The following SYPL1 variants were observed in gnomAD, a reference collection of about 807,000 sequenced individuals.
The protein encoded by SYPL1 is synaptophysin like 1.
In SYPL1, 6 loss-of-function variants were observed where a neutral mutation model predicts 23.7. That is an observed-to-expected ratio of 0.25 (90% CI 0.14 to 0.50). The LOEUF (loss-of-function observed/expected upper bound fraction) is 0.50, where lower values mean the gene tolerates loss of function less well. Ranked by LOEUF, SYPL1 falls within the 20% of genes least tolerant of loss-of-function variation. The pLI is 0.98. For missense variants in SYPL1, 253 were observed against 288.9 expected, an observed-to-expected ratio of 0.88 and a Z score of 0.90; for synonymous variants, 102 against 104.5, an observed-to-expected ratio of 0.98 and a Z score of 0.15.
At position 106,092,930 on chromosome 7, in the gene SYPL1, A is replaced by G; in HGVS notation, c.591+19T>C. The G allele has an allele frequency of 6.6e-7, 1 of 1,510,206 alleles. No homozygotes were observed. The highest frequency in any genetic ancestry group is 8.8e-7 in the Non-Finnish European group (1 of 1,132,482). 93.6% of individuals were successfully genotyped at this position (1,510,206 alleles called of 1,614,324 possible). On this transcript the variant is annotated intron_variant, in intron 4 of 4. Transcript: ENST00000455385. ...AACAAATATATGAAAGAAAAAAATT[A>G]TAAATAATGCATACATACCACAGAT... is the stretch of plus-strand genomic sequence containing the variant.
intron 1 of SYPL1, among the ~76,000 whole-genome samples, chr7:106,101,169 GCT>G (rs1227034788): frequency 6.6e-6 from 1 of 152,002 alleles, no homozygotes; most frequent in East Asian, 1.9e-4. Context: ...CTCTATTTCT[GCT>G]CTGTTCTAAT....
intron 1 of SYPL1, among the ~76,000 whole-genome samples, chr7:106,102,847 C>A (rs1161841072): frequency 6.6e-6 from 1 of 152,028 alleles, no homozygotes; most frequent in African/African-American, 2.4e-5. Flanking sequence ...ATGAGCTGCA[C>A]ACAAAAGTAA....
rs1236011915 is a variant in SYPL1 at position 106,100,966 on chromosome 7, G to A, written c.70-1684C>T. 1.3e-5 allele frequency among the ~76,000 whole-genome samples: 2 copies of A among 152,004 alleles called. No homozygotes were observed. Among genetic ancestry groups the A allele is most frequent in the African/African-American group, 2.4e-5 (1 of 41,350 alleles). ...TGTATACACAAACTGCTTTCCATGC[G>A]ATACCTTTAATGACACGGGATAAAC... On this transcript the variant is annotated intron_variant, in intron 1 of 4. Transcript: ENST00000455385. This position sits in a 1 kb window ranked among gnomAD's most constrained non-coding sequence, Gnocchi z 5.1.
In SYPL1 at chr7:106,104,393, T is replaced by G. The variant is rs1840483623; in HGVS notation, c.70-5111A>C. Among the ~76,000 whole-genome samples the G allele has an allele frequency of 6.6e-6, 1 of 151,916 alleles. No homozygotes were observed. The highest frequency in any genetic ancestry group is 2.4e-5 in the African/African-American group (1 of 41,342). On this transcript the variant is annotated intron_variant, in intron 1 of 4. Coordinates refer to ENST00000455385, the MANE Select transcript of SYPL1 (RefSeq NM_182715.4). The surrounding 1 kb of genome is among the most constrained non-coding windows in gnomAD (Gnocchi z 4.1). ...ACCCTGTCTTAAAAATAAAATAAAA[T>G]AAAAAAATTAAATGGAAAAATGAAT...
At position 106,091,713 on chromosome 7, in the gene SYPL1, T is replaced by C. The variant is rs1224207459; in HGVS notation, c.*92A>G. The C allele has an allele frequency of 7.3e-7, 1 of 1,370,524 alleles. No homozygotes were observed. Among genetic ancestry groups the C allele is most frequent in the East Asian group, 2.4e-5 (1 of 41,358 alleles). The allele number at this position is 1,370,524 out of a possible 1,614,324, so 84.9% of individuals were successfully genotyped here. On this transcript the variant is annotated 3_prime_UTR_variant, in exon 5 of 5. Transcript: ENST00000455385. This position sits in a 1 kb window ranked among gnomAD's most constrained non-coding sequence, Gnocchi z 5.0. ...CCCACCAATATATTGACAAAGCCAT[T>C]ACTTTTATTAGAAACAAATAATGCT...
chr7:106,101,161 C>CT lies in SYPL1; in HGVS notation c.70-1880dup, dbSNP rs147401937. Among the ~76,000 whole-genome samples the CT allele has an allele frequency of 9.7e-3, 1,472 of 152,276 alleles. 30 individuals are homozygous for CT. The highest frequency in any genetic ancestry group is 0.034 in the African/African-American group (1,400 of 41,534). On this transcript the variant is annotated intron_variant, in intron 1 of 4. Transcript: ENST00000455385. ...CCCCGCACTACCTATTCCCTCTACT[C>CT]TATTTCTGCTCTGTTCTAATTACCA...
At position 106,112,235 on chromosome 7, in the gene SYPL1, T is replaced by C; in HGVS notation, c.-27A>G. 1 of 1,520,328 alleles carries C rather than the reference T, an allele frequency of 6.6e-7. No individual in the cohort carries two copies. 94.2% of individuals were successfully genotyped at this position (1,520,328 alleles called of 1,614,324 possible). ...CTCTGAGGAAAGGAGGGAGAGAGAG[T>C]CAGGACGACGGGGCGGAGGAGGGGA... On this transcript the variant is annotated 5_prime_UTR_variant, in exon 1 of 5. Coordinates refer to ENST00000455385, the MANE Select transcript of SYPL1 (RefSeq NM_182715.4).
Position 106,109,771 on chromosome 7 carries a change from T to C in SYPL1, c.69+2369A>G, listed in dbSNP as rs1338997781. The stretch of plus-strand genomic sequence containing the variant: ...TTAGGGTCCTCCCTCTTTGTTACCT[T>C]CCATATATATTCTAATTTGTAACCC... On this transcript the variant is annotated intron_variant, in intron 1 of 4. Transcript: ENST00000455385. The surrounding 1 kb of genome is among the most constrained non-coding windows in gnomAD (Gnocchi z 4.3). Among the ~76,000 whole-genome samples the C allele has an allele frequency of 6.6e-6, 1 of 152,162 alleles. No individual in the cohort carries two copies. The highest frequency in any genetic ancestry group is 1.5e-5 in the Non-Finnish European group (1 of 68,028).
intron 1 of SYPL1, among the ~76,000 whole-genome samples, chr7:106,101,476 G>A (rs1229895209): frequency 1.0e-5 from 1 of 97,428 alleles, no homozygotes; most frequent in African/African-American, 4.6e-5. Flanking sequence ...CCACAAAAAA[G>A]ATACATGAAA....
intron 4 of SYPL1, 62 bp downstream of exon 4, chr7:106,092,887 T>G: frequency 7.4e-7 from 1 of 1,344,290 alleles, no homozygotes; most frequent in Non-Finnish European, 9.9e-7. Context: ...ATTGCTTTCC[T>G]GAATTACTAG....
chr7:106,091,938 A>G lies in SYPL1; in HGVS notation c.593T>C (p.Ile198Thr), dbSNP rs1475460785. 2.5e-6 allele frequency: 4 copies of G among 1,600,602 alleles called. No homozygotes were observed. Among genetic ancestry groups the G allele is most frequent in the Middle Eastern group, 1.7e-4 (1 of 6,016 alleles). ...GAGTATCATATTTAGAAAGCCAAAT[A>G]TCTATGAAAGAGAAAAAGAAATATG... is the stretch of plus-strand genomic sequence containing the variant. ...TSMGSLNVSV[I>T]FGFLNMILWG... The change falls in exon 5 of 5, where the codon ATA becomes ACA. Residue 198 changes from isoleucine to threonine, a missense_variant and splice_region_variant. Coordinates refer to ENST00000455385, the MANE Select transcript of SYPL1 (RefSeq NM_182715.4). This position sits in a 1 kb window ranked among gnomAD's most constrained non-coding sequence, Gnocchi z 5.0.
intron 1 of SYPL1, among the ~76,000 whole-genome samples, chr7:106,106,053 A>C (rs1585942724): frequency 6.6e-6 from 1 of 152,228 alleles, no homozygotes; most frequent in Non-Finnish European, 1.5e-5. Context: ...CAGACTACTT[A>C]ATCAGATCAC....
At position 106,109,703 on chromosome 7, in the gene SYPL1, T is replaced by C. The variant is rs980945450; in HGVS notation, c.69+2437A>G. ...CCTCCTCCTCTTAATGACATTACCT[T>C]GAATATGCTAATGGCAACGAAGTCA... On this transcript the variant is annotated intron_variant, in intron 1 of 4. Transcript: ENST00000455385. This position sits in a 1 kb window ranked among gnomAD's most constrained non-coding sequence, Gnocchi z 4.3. Among the ~76,000 whole-genome samples the C allele has an allele frequency of 2.6e-5, 4 of 152,218 alleles. No homozygotes were observed. Among genetic ancestry groups the C allele is most frequent in the African/African-American group, 4.8e-5 (2 of 41,458 alleles).
Position 106,099,282 on chromosome 7 carries a change from T to C in SYPL1, c.70A>G (p.Ile24Val). The change falls in exon 2 of 5, where the codon ATT becomes GTT. Residue 24 changes from isoleucine (I) to valine (V), a missense_variant and splice_region_variant. Transcript: ENST00000455385. ...PLGFIKVLEW[I>V]ASIFAFATCG... Reference sequence around the variant, plus strand: ...GTGGCAAAAGCAAAGATAGAAGCAATCTACACAAAGTAAGATGAAAAAAGA... The same window carrying C: ...GTGGCAAAAGCAAAGATAGAAGCAACCTACACAAAGTAAGATGAAAAAAGA... 4 of 1,606,860 alleles carry C rather than the reference T, an allele frequency of 2.5e-6. 1 individual carries two copies. In the Admixed American group the frequency reaches 5.2e-5, roughly 21 times the overall value.
In SYPL1 at chr7:106,092,991, G is replaced by A. The variant is rs35004443; in HGVS notation, c.549C>T (p.Tyr183=). Residue 183 remains tyrosine, a synonymous_variant, in exon 4 of 5, where the codon TAC becomes TAT. Transcript: ENST00000455385. ...ATCCCATACTGGTCACAGAGCCAAA[G>A]TAACACAGTACTGCTTTCTTCTTAC... ...PPCKKKAVLC[Y]FGSVTSMGSL... 3,378 of 1,611,844 alleles carry A rather than the reference G, an allele frequency of 2.1e-3. 65 individuals carry two copies. In the African/African-American group the frequency reaches 0.041, roughly 20 times the overall value.
upstream of SYPL1, chr7:106,112,554 C>T (rs377219931): frequency 5.8e-4 from 868 of 1,498,314 alleles, 3 homozygotes; most frequent in Non-Finnish European, 3.6e-4. Context: ...GCCCCCTTCC[C>T]TGCGGTTCAG....
At chr7:106,110,603 A>G (rs1214798526) in intron 1 of SYPL1, among the ~76,000 whole-genome samples, 1 of 152,252 alleles carries the variant, frequency 6.6e-6, no homozygotes, top group Non-Finnish European at 1.5e-5. Flanking sequence ...TAGTCTTTTC[A>G]TAAAAGGCTC....
chr7:106,098,149 T>C (rs924658512), intron 2 of SYPL1, among the ~76,000 whole-genome samples: 1 of 152,210 alleles, frequency 6.6e-6, no homozygotes, highest in African/African-American at 2.4e-5. Context: ...CCAGATACTA[T>C]CTTCCTGCAG....
At chr7:106,099,906 C>A (rs1274767874) in intron 1 of SYPL1, among the ~76,000 whole-genome samples, 1 of 152,116 alleles carries the variant, frequency 6.6e-6, no homozygotes, top group Non-Finnish European at 1.5e-5. Context: ...TTGCAAACCT[C>A]GACAAATGTG....
Sources: gnomAD v4.1 joint callset for allele counts (sites outside exome capture counted in the v4.1 genomes callset) on GRCh38, gnomAD v4.1.1 for gene constraint, Gnocchi (gnomAD v3.1) non-coding constraint, MANE v1.5 for transcripts, NCBI Gene and HGNC (gene_info 2026-07-23, HGNC 2026-07-21) for gene names.